Variants in CDK15 observed in about 807,000 individuals in gnomAD.
CDK15 encodes the protein cyclin-dependent kinase 15.
Under a neutral mutation model 60.3 loss-of-function variants are expected in CDK15, and 62 were observed. That is an observed-to-expected ratio of 1.03 (90% CI 0.84 to 1.27). The LOEUF (loss-of-function observed/expected upper bound fraction) is 1.27. CDK15 is among the 50% of genes most tolerant of loss of function. CDK15 has a pLI of 0.00. For missense variants in CDK15, 541 were observed against 527.8 expected (o/e 1.03, Z -0.25); for synonymous variants, 194 against 195.7 (o/e 0.99, Z 0.07).
chr2:201,807,421 A>G, intron 1 of CDK15, 73 bp from the exon 2 acceptor site: 1 of 1,420,870 alleles, frequency 7.0e-7, no homozygotes, highest in South Asian at 1.3e-5. Context: ...GCAAATAAAG[A>G]AAAAATGGTT....
intron 8 of CDK15, among the ~76,000 whole-genome samples, chr2:201,841,580 A>G (rs1697383864): frequency 6.6e-6 from 1 of 152,242 alleles, no homozygotes; most frequent in Non-Finnish European, 1.5e-5. Context: ...AAAAGAAAGA[A>G]TAATCCTATT....
intron 11 of CDK15, among the ~76,000 whole-genome samples, chr2:201,874,632 A>C (rs1037641471): frequency 1.3e-5 from 2 of 152,114 alleles, no homozygotes; most frequent in African/African-American, 4.8e-5. Context: ...TGGCTTTTCT[A>C]CACAATCCCT....
intron 12 of CDK15, among the ~76,000 whole-genome samples, chr2:201,881,469 A>G (rs1243472022): frequency 1.3e-5 from 2 of 152,220 alleles, no homozygotes; most frequent in Non-Finnish European, 1.5e-5. Context: ...TGGGAGGAAA[A>G]GAGGGTGAGG....
chr2:201,810,837 CTT>C (rs199591982), intron 3 of CDK15, among the ~76,000 whole-genome samples: 2,218 of 123,442 alleles, frequency 0.018, 27 homozygotes, highest in African/African-American at 0.048. Flanking sequence ...GGTATGCACT[CTT>C]TTTTTTTTTT....
intron 5 of CDK15, 69 bp from the exon 6 acceptor site, chr2:201,823,596 T>C (rs2105713201): frequency 7.5e-7 from 1 of 1,334,324 alleles, no homozygotes; most frequent in Non-Finnish European, 1.1e-6. Context: ...CAAGTCAATG[T>C]TCTGCTTTAG....
At chr2:201,817,506 G>A (rs12053321) in intron 4 of CDK15, among the ~76,000 whole-genome samples, 35,747 of 152,058 alleles carry the variant, frequency 0.24, 4,437 homozygotes, top group East Asian at 0.4. Flanking sequence ...CTACAGTGCC[G>A]GTAATTGCAG....
At chr2:201,836,057 A>T (rs1411898788) in intron 8 of CDK15, among the ~76,000 whole-genome samples, 3 of 6,032 alleles carry the variant, frequency 5.0e-4, no homozygotes, top group South Asian at 0.018. Context: ...TTATATATAT[A>T]TTATATATAT....
chr2:201,821,976 C>T (rs966417328), intron 4 of CDK15, among the ~76,000 whole-genome samples: 8 of 152,210 alleles, frequency 5.3e-5, no homozygotes, highest in East Asian at 1.9e-4. Context: ...CTACCACGCC[C>T]GGCCTCATGG....
chr2:201,858,107 A>AT (rs1451594829), intron 10 of CDK15, among the ~76,000 whole-genome samples: 1 of 152,136 alleles, frequency 6.6e-6, no homozygotes, highest in Non-Finnish European at 1.5e-5. Context: ...CCATGCCTCC[A>AT]TTTCTAGGCC....
chr2:201,824,046 A>C (rs1574860103), intron 6 of CDK15, among the ~76,000 whole-genome samples: 2 of 152,242 alleles, frequency 1.3e-5, no homozygotes. Context: ...AAAGGAAAAA[A>C]GTAAAGCTAG....
chr2:201,818,527 A>G (rs1696085329), intron 4 of CDK15, among the ~76,000 whole-genome samples: 1 of 152,188 alleles, frequency 6.6e-6, no homozygotes, highest in Admixed American at 6.5e-5. Flanking sequence ...TTAAAATTAG[A>G]AGAAAGAAAG....
At chr2:201,827,798 A>T (rs1055845876) in intron 6 of CDK15, among the ~76,000 whole-genome samples, 5 of 152,094 alleles carry the variant, frequency 3.3e-5, no homozygotes, top group African/African-American at 1.2e-4. Context: ...TGCCTCTCAA[A>T]CTTCAGTGAG....
At chr2:201,842,666 T>G (rs1278801196) in intron 8 of CDK15, among the ~76,000 whole-genome samples, 2 of 152,198 alleles carry the variant, frequency 1.3e-5, no homozygotes, top group East Asian at 3.8e-4. Flanking sequence ...ATCTGAGGAA[T>G]CTTTCCCCCT....
intron 2 of CDK15, 82 bp downstream of exon 2, chr2:201,807,725 A>C: frequency 6.3e-7 from 1 of 1,583,440 alleles, no homozygotes; most frequent in South Asian, 1.1e-5. Flanking sequence ...CAGGGCAATT[A>C]CTGAGCGAGC....
chr2:201,882,538 C>T lies in CDK15; in HGVS notation c.1198+2371C>T, dbSNP rs571524288. Reference sequence around the variant, plus strand: ...CAGGGCTCTGCTGCTGCTGCCTCGGCGGACAAGCATTTCCTGCAGCGACAT... The same window carrying T: ...CAGGGCTCTGCTGCTGCTGCCTCGGTGGACAAGCATTTCCTGCAGCGACAT... On this transcript the variant is annotated intron_variant, in intron 12 of 13. Coordinates refer to ENST00000652192, the MANE Select transcript of CDK15 (RefSeq NM_001366386.2). This position sits in a 1 kb window ranked among gnomAD's most constrained non-coding sequence, Gnocchi z 4.0. Among the ~76,000 whole-genome samples the T allele has an allele frequency of 4.6e-5, 7 of 152,124 alleles. No individual in the cohort carries two copies. The highest frequency in any genetic ancestry group is 3.9e-4 in the East Asian group (2 of 5,162).
chr2:201,858,467 T>C (rs1698243845), intron 10 of CDK15, among the ~76,000 whole-genome samples: 2 of 143,708 alleles, frequency 1.4e-5, no homozygotes, highest in East Asian at 2.2e-4. Flanking sequence ...TCTCCCCCAC[T>C]CCCCGTTTTA....
chr2:201,846,100 C>A (rs952642108), intron 8 of CDK15, among the ~76,000 whole-genome samples: 1 of 151,986 alleles, frequency 6.6e-6, no homozygotes, highest in Non-Finnish European at 1.5e-5. Context: ...CAGGATGCAC[C>A]TTATAATCAG....
intron 4 of CDK15, among the ~76,000 whole-genome samples, chr2:201,817,276 G>T (rs544591138): frequency 4.3e-4 from 65 of 152,276 alleles, no homozygotes; most frequent in African/African-American, 1.5e-3. Flanking sequence ...TTCTTCTCAA[G>T]CTTACCAGCA....
intron 10 of CDK15, among the ~76,000 whole-genome samples, chr2:201,871,238 C>T (rs1293294913): frequency 6.6e-6 from 1 of 152,064 alleles, no homozygotes; most frequent in Non-Finnish European, 1.5e-5. Context: ...CGGCTCACTG[C>T]AGCCTCAACC....
Sources: allele counts gnomAD v4.1 joint callset (sites outside exome capture counted in the v4.1 genomes callset), GRCh38; gene constraint gnomAD v4.1.1; non-coding constraint Gnocchi (gnomAD v3.1); transcripts MANE v1.5; gene names NCBI Gene and HGNC (gene_info 2026-07-23, HGNC 2026-07-21).